The following NELL2 variants were observed in gnomAD, a reference collection of about 807,000 sequenced individuals.
The protein encoded by NELL2 is neural EGFL like 2, also known as protein kinase C-binding protein NELL2.
A neutral mutation model predicts 109.6 loss-of-function variants in NELL2; 41 were observed. That is an observed-to-expected ratio of 0.37 (90% confidence interval 0.29 to 0.49). NELL2 has a LOEUF of 0.49. NELL2 is among the 20% of genes least tolerant of loss of function. The probability of loss-of-function intolerance (pLI) is 0.98; values close to 1 mark genes in which losing one functional copy is unlikely to be tolerated. For missense variants in NELL2, 900 were observed against 1,008.3 expected (o/e 0.89, Z 1.45); for synonymous variants, 355 against 344.7 (o/e 1.03, Z -0.33).
intron 3 of NELL2, among the ~76,000 whole-genome samples, chr12:44,792,508 T>C (rs1942471799): frequency 6.6e-6 from 1 of 152,110 alleles, no homozygotes; most frequent in Admixed American, 6.5e-5. Context: ...ATTTTAACTA[T>C]ATAAAAATTA....
chr12:44,741,348 C>G (rs752068353), intron 9 of NELL2, among the ~76,000 whole-genome samples: 2 of 152,016 alleles, frequency 1.3e-5, no homozygotes, highest in African/African-American at 2.4e-5. Context: ...CAAATAGGAA[C>G]AGCTCTGGTC....
At chr12:44,646,493 T>C (rs1413359081) in intron 13 of NELL2, among the ~76,000 whole-genome samples, 5 of 152,234 alleles carry the variant, frequency 3.3e-5, no homozygotes, top group Admixed American at 6.5e-5. Context: ...AAGTTTAATG[T>C]CCAAATCCAG....
intron 13 of NELL2, among the ~76,000 whole-genome samples, chr12:44,646,914 G>A (rs1013284422): frequency 6.6e-6 from 1 of 152,100 alleles, no homozygotes; most frequent in Non-Finnish European, 1.5e-5. Flanking sequence ...TCTAGCTTCG[G>A]TTTCCTCATA....
At chr12:44,919,032 C>T (rs916483217), upstream of NELL2, among the ~76,000 whole-genome samples, 18 of 152,212 alleles carry the variant, frequency 1.2e-4, no homozygotes, top group African/African-American at 3.6e-4. Context: ...GATGACACTG[C>T]TCAAGCAATG....
chr12:44,587,947 A>G lies in NELL2; in HGVS notation c.1663+19222T>C, dbSNP rs182628126. Among the ~76,000 whole-genome samples, 65 of 152,146 alleles carry G rather than the reference A, an allele frequency of 4.3e-4. No homozygotes were observed. The East Asian group carries it at 4.7e-3, about 11-fold the overall frequency. ...CGGGCGGATCACGAGGTCAGGAGAT[A>G]GAGACCATCCTGGCTAACATGGTGA... On this transcript the variant is annotated intron_variant, in intron 15 of 19. Coordinates refer to ENST00000429094, the MANE Select transcript of NELL2 (RefSeq NM_001145108.2).
intron 13 of NELL2, among the ~76,000 whole-genome samples, chr12:44,629,376 G>A (rs1946372963): frequency 1.3e-5 from 2 of 152,130 alleles, no homozygotes; most frequent in Admixed American, 6.5e-5. Context: ...AAATCAGATT[G>A]ATTTTTAAAG....
intron 2 of NELL2, among the ~76,000 whole-genome samples, chr12:44,816,556 C>T (rs948514044): frequency 2.0e-5 from 3 of 152,186 alleles, no homozygotes; most frequent in African/African-American, 7.2e-5. Flanking sequence ...TTTTCTGACA[C>T]CTCATGACAG....
intron 19 of NELL2, among the ~76,000 whole-genome samples, chr12:44,509,655 G>A (rs1940896133): frequency 6.6e-6 from 1 of 152,110 alleles, no homozygotes; most frequent in Non-Finnish European, 1.5e-5. Flanking sequence ...GATCTGCCAG[G>A]GTCTGGATCT....
At chr12:44,882,827 T>C (rs1480007650) in intron 1 of NELL2, among the ~76,000 whole-genome samples, 2 of 129,158 alleles carry the variant, frequency 1.5e-5, no homozygotes, top group African/African-American at 5.7e-5. Context: ...CATGCCTGGC[T>C]ATATACCTTT....
At chr12:44,805,122 A>T (rs1334475847) in intron 3 of NELL2, among the ~76,000 whole-genome samples, 4 of 151,890 alleles carry the variant, frequency 2.6e-5, no homozygotes, top group African/African-American at 9.7e-5. Context: ...AGAAGACATT[A>T]AAAAATGTAG....
rs557456357 is a variant in NELL2 at position 44,835,567 on chromosome 12, T to C, written c.185-19431A>G. ...ATTCTTACTCTGGTCAATCTACAACTCATAAATGTGGCTGTGTTCTAAAAC... is the reference window on the plus strand; with the variant it reads ...ATTCTTACTCTGGTCAATCTACAACCCATAAATGTGGCTGTGTTCTAAAAC... On this transcript the variant is annotated intron_variant, in intron 2 of 19. Coordinates refer to ENST00000429094, the MANE Select transcript of NELL2 (RefSeq NM_001145108.2). 2.6e-5 allele frequency among the ~76,000 whole-genome samples: 4 copies of C among 152,312 alleles called. No individual in the cohort carries two copies. The East Asian group carries it at 7.7e-4, about 29-fold the overall frequency.
At chr12:44,817,964 C>T (rs1453429878) in intron 2 of NELL2, among the ~76,000 whole-genome samples, 2 of 152,188 alleles carry the variant, frequency 1.3e-5, no homozygotes. Flanking sequence ...CCCAAGTTAA[C>T]GAAGTCAGAC....
At chr12:44,880,608 A>T (rs965313913), upstream of NELL2, among the ~76,000 whole-genome samples, 1 of 152,066 alleles carries the variant, frequency 6.6e-6, no homozygotes, top group Non-Finnish European at 1.5e-5. Context: ...TAACATTTAA[A>T]CAAATAACAT....
chr12:44,856,258 T>C (rs906193218), intron 2 of NELL2, among the ~76,000 whole-genome samples: 3 of 152,204 alleles, frequency 2.0e-5, no homozygotes, highest in African/African-American at 7.2e-5. Context: ...TTAAATTCCT[T>C]CCTCTCCTAT....
chr12:44,793,367 C>A (rs1244208817), intron 3 of NELL2, among the ~76,000 whole-genome samples: 1 of 152,072 alleles, frequency 6.6e-6, no homozygotes, highest in East Asian at 1.9e-4. Context: ...CTAATGAGTT[C>A]TATAATAATA....
chr12:44,701,127 G>A (rs1015054610), intron 12 of NELL2, among the ~76,000 whole-genome samples: 2 of 151,954 alleles, frequency 1.3e-5, no homozygotes, highest in Admixed American at 1.3e-4. Context: ...TTCCTTCTAA[G>A]AAGTCAAAAC....
chr12:44,556,954 T>C (rs1310978168), intron 15 of NELL2, among the ~76,000 whole-genome samples: 1 of 152,058 alleles, frequency 6.6e-6, no homozygotes, highest in African/African-American at 2.4e-5. Flanking sequence ...GGCCAGATGG[T>C]GAAGGGATTT....
At chr12:44,917,464 G>A (rs1168269204), upstream of NELL2, among the ~76,000 whole-genome samples, 2 of 152,286 alleles carry the variant, frequency 1.3e-5, no homozygotes. Context: ...CACATGGCCA[G>A]CACAGTGCTA....
intron 2 of NELL2, among the ~76,000 whole-genome samples, chr12:44,822,915 T>C (rs372965791): frequency 6.6e-6 from 1 of 152,082 alleles, no homozygotes; most frequent in Admixed American, 6.6e-5. Context: ...ATTCCCTATA[T>C]ACATACATAG....
Sources: gnomAD v4.1 joint callset for allele counts (sites outside exome capture counted in the v4.1 genomes callset) on GRCh38, gnomAD v4.1.1 for gene constraint, MANE v1.5 for transcripts, NCBI Gene and HGNC (gene_info 2026-07-23, HGNC 2026-07-21) for gene names.